The following DDHD1 variants were observed in gnomAD, a reference collection of about 807,000 sequenced individuals.
DDHD1 encodes the protein DDHD domain containing 1, also known as phospholipase DDHD1.
Under a neutral mutation model 96.4 loss-of-function variants are expected in DDHD1, and 49 were observed. The observed-to-expected ratio is 0.51, with a 90% CI of 0.40 to 0.64. The LOEUF is 0.64. DDHD1 is among the 30% of genes least tolerant of loss of function. The pLI, the probability that DDHD1 is intolerant of heterozygous loss-of-function variation, is 0.00. For missense variants in DDHD1, 1,106 were observed against 1,161.2 expected (o/e 0.95, Z 0.69); for synonymous variants, 442 against 446.5 (o/e 0.99, Z 0.13).
chr14:53,062,015 A>G (rs1185343601), intron 7 of DDHD1, among the ~76,000 whole-genome samples: 1 of 148,478 alleles, frequency 6.7e-6, no homozygotes, highest in African/African-American at 2.5e-5. Flanking sequence ...AGCCTGGGCA[A>G]CAGAGCAAGA....
rs143406039 is a variant in DDHD1, at chr14:53,132,247, G to A, written c.838+20014C>T. Among the ~76,000 whole-genome samples, 422 of 152,202 alleles carry A rather than the reference G, an allele frequency of 2.8e-3. 2 individuals carry two copies. Among genetic ancestry groups the A allele is most frequent in the African/African-American group, 9.7e-3 (401 of 41,532 alleles). ...GGATTCTTACACAAGAGCTGGGACC[G>A]TACCTTGTGGCCTTTCTGTCCAAAC... On this transcript the variant is annotated intron_variant, in intron 1 of 12. Transcript: ENST00000673822.
chr14:53,051,778 A>T, intron 12 of DDHD1, 66 bp downstream of exon 12: 3 of 1,319,306 alleles, frequency 2.3e-6, no homozygotes, highest in Non-Finnish European at 3.2e-6. Flanking sequence ...TTTTTCAATA[A>T]GCAGAAGAAC....
At chr14:53,091,690 T>C (rs1886440491) in intron 4 of DDHD1, 95 bp downstream of exon 4, 15 of 1,317,590 alleles carry the variant, frequency 1.1e-5, no homozygotes, top group South Asian at 1.6e-5. Context: ...TGGAGGAACA[T>C]GCAGTGGAAT....
Position 53,114,881 on chromosome 14 carries a change from G to A in DDHD1, c.839-11025C>T, listed in dbSNP as rs554621777. Among the ~76,000 whole-genome samples the A allele has an allele frequency of 1.1e-4, 16 of 152,284 alleles. No individual in the cohort carries two copies. The East Asian group carries it at 1.5e-3, about 15-fold the overall frequency. The stretch of plus-strand genomic sequence containing the variant: ...AAACTGGATGGAGAATGAGATTGCC[G>A]AATTGACAGAAGTAGGCTTCAGAAG... On this transcript the variant is annotated intron_variant, in intron 1 of 12. Coordinates refer to ENST00000673822, the MANE Select transcript of DDHD1 (RefSeq NM_001160148.2).
At chr14:53,125,827 G>A (rs767993105) in intron 1 of DDHD1, among the ~76,000 whole-genome samples, 4 of 151,006 alleles carry the variant, frequency 2.6e-5, no homozygotes, top group East Asian at 3.9e-4. Flanking sequence ...TCAGTCTCCC[G>A]AGTAGCTGGG....
At chr14:53,094,766 C>A (rs1254871637) in intron 2 of DDHD1, among the ~76,000 whole-genome samples, 1 of 151,962 alleles carries the variant, frequency 6.6e-6, no homozygotes, top group Non-Finnish European at 1.5e-5. Flanking sequence ...ATCGCTTAAG[C>A]CCAGGAGGTC....
chr14:53,103,904 C>T, intron 1 of DDHD1, 48 bp from the exon 2 acceptor site: 1 of 1,488,728 alleles, frequency 6.7e-7, no homozygotes, highest in Non-Finnish European at 8.9e-7. Context: ...GATTCAACTT[C>T]CCCAAAAGAG....
chr14:53,097,310 A>T (rs1256592386), intron 2 of DDHD1, among the ~76,000 whole-genome samples: 1 of 152,026 alleles, frequency 6.6e-6, no homozygotes, highest in Non-Finnish European at 1.5e-5. Context: ...AATAAAAGTA[A>T]TTGAGAAATG....
chr14:53,089,770 C>G (rs1886280447), intron 4 of DDHD1, among the ~76,000 whole-genome samples: 2 of 152,156 alleles, frequency 1.3e-5, no homozygotes, highest in Admixed American at 1.3e-4. Context: ...TAGGCAATAC[C>G]ATTCAGGACA....
At chr14:53,077,673 T>G (rs1394207986) in intron 4 of DDHD1, among the ~76,000 whole-genome samples, 1 of 151,088 alleles carries the variant, frequency 6.6e-6, no homozygotes, top group Non-Finnish European at 1.5e-5. Flanking sequence ...GTTTTTGTTT[T>G]TTTTTTTTAA....
chr14:53,094,175 TAA>T (rs879555584), intron 2 of DDHD1, among the ~76,000 whole-genome samples: 2 of 130,020 alleles, frequency 1.5e-5, no homozygotes, highest in Middle Eastern at 4.0e-3. Flanking sequence ...AGACTCCGTC[TAA>T]AAAAAAAAAA....
Position 53,044,172 on chromosome 14 carries a change from C to T in DDHD1, c.*2596G>A, listed in dbSNP as rs1312672464. ...ACATAGAAACAAGGATACTACAAAA[C>T]CGAAATCACCATCTCTACTGATGAA... On this transcript the variant is annotated 3_prime_UTR_variant, in exon 13 of 13. Coordinates refer to ENST00000673822, the MANE Select transcript of DDHD1 (RefSeq NM_001160148.2). 1 of 152,092 alleles carries T rather than the reference C, an allele frequency of 6.6e-6. No homozygotes were observed. The highest frequency in any genetic ancestry group is 1.5e-5 in the Non-Finnish European group (1 of 68,018). The allele number at this position is 152,092 out of a possible 1,614,324, so 9.4% of individuals were successfully genotyped here. A position where few individuals can be genotyped will look rare whatever the true frequency, so the allele number is the denominator to read the frequency against.
intron 2 of DDHD1, among the ~76,000 whole-genome samples, chr14:53,101,830 T>A (rs1887323929): frequency 6.6e-6 from 1 of 151,980 alleles, no homozygotes; most frequent in Non-Finnish European, 1.5e-5. Flanking sequence ...TAATTTTTAT[T>A]GTAGTAAAAA....
At chr14:53,108,575 C>T (rs1887874268) in intron 1 of DDHD1, among the ~76,000 whole-genome samples, 1 of 152,158 alleles carries the variant, frequency 6.6e-6, no homozygotes, top group Non-Finnish European at 1.5e-5. Context: ...AACCAAAAAA[C>T]AAAAACAATT....
At chr14:53,074,156 C>T (rs1884758015) in intron 4 of DDHD1, among the ~76,000 whole-genome samples, 1 of 151,950 alleles carries the variant, frequency 6.6e-6, no homozygotes. Flanking sequence ...TGCCATCACC[C>T]AGCTCCAAAT....
intron 6 of DDHD1, among the ~76,000 whole-genome samples, chr14:53,070,852 G>C (rs115283311): frequency 0.01 from 1,532 of 152,180 alleles, 31 homozygotes; most frequent in African/African-American, 0.035. Flanking sequence ...TCCATACTTA[G>C]TTTTTCAAAG....
chr14:53,131,913 A>G (rs961754513), intron 1 of DDHD1, among the ~76,000 whole-genome samples: 3 of 152,092 alleles, frequency 2.0e-5, no homozygotes, highest in Admixed American at 2.0e-4. Flanking sequence ...GAAAACATGC[A>G]TGCTCTCCCT....
In DDHD1 at chr14:53,093,367, T is replaced by G; in HGVS notation, c.1090A>C (p.Thr364Pro). Residue 364 changes from threonine (T) to proline (P), a missense_variant, in exon 3 of 13, where the codon ACA (threonine) becomes CCA (proline). Transcript: ENST00000673822. ...ACTGTTCTTGCAATTTTAGATGTTG[T>G]TGCATCACTATAAAGATATACTTCA... The part of the protein sequence containing the change: ...VDEVYLYSDA[T>P]TSKIARTVTQ... 6.2e-7 allele frequency: 1 copy of G among 1,612,852 alleles called. No individual in the cohort carries two copies. Among genetic ancestry groups the G allele is most frequent in the Non-Finnish European group, 8.5e-7 (1 of 1,179,610 alleles).
intron 2 of DDHD1, among the ~76,000 whole-genome samples, chr14:53,100,392 C>T (rs950055551): frequency 4.6e-5 from 7 of 151,896 alleles, no homozygotes; most frequent in South Asian, 2.1e-4. Context: ...TCCTGGAGCC[C>T]GGGAGTTAGA....
Sources: gnomAD v4.1 joint callset for allele counts (sites outside exome capture counted in the v4.1 genomes callset) on GRCh38, gnomAD v4.1.1 for gene constraint, MANE v1.5 for transcripts, NCBI Gene and HGNC (gene_info 2026-07-23, HGNC 2026-07-21) for gene names.